Variants in BCAN observed in about 807,000 individuals in gnomAD.
BCAN encodes brevican.
In BCAN, 51 loss-of-function variants were observed where a neutral mutation model predicts 92.4. That is an observed-to-expected ratio of 0.55 (90% CI 0.44 to 0.70). The LOEUF (loss-of-function observed/expected upper bound fraction) is 0.70. Ranked by LOEUF, BCAN falls within the 30% of genes least tolerant of loss-of-function variation. The pLI is 0.00. For missense variants in BCAN, 1,140 were observed against 1,212.1 expected, an observed-to-expected ratio of 0.94 and a Z score of 0.88; for synonymous variants, 501 against 505.2, an observed-to-expected ratio of 0.99 and a Z score of 0.11.
chr1:156,658,869 A>G lies in BCAN; in HGVS notation c.2628+136A>G, dbSNP rs1679430483. On this transcript the variant is annotated intron_variant, in intron 13 of 13. Coordinates refer to ENST00000329117, the MANE Select transcript of BCAN (RefSeq NM_021948.5). This position sits in a 1 kb window ranked among gnomAD's most constrained non-coding sequence, Gnocchi z 4.4. ...GCCCCTCTCTGAGGCAAAGGGGAAGAGGTGGGCTGGAGGCTCTGGGGTTCC... is the reference window on the plus strand; with the variant it reads ...GCCCCTCTCTGAGGCAAAGGGGAAGGGGTGGGCTGGAGGCTCTGGGGTTCC... 5 of 1,404,658 alleles carry G rather than the reference A, an allele frequency of 3.6e-6. No individual in the cohort carries two copies. The highest frequency in any genetic ancestry group is 4.9e-6 in the Non-Finnish European group (5 of 1,023,290). 87.0% of individuals were successfully genotyped at this position (1,404,658 alleles called of 1,614,324 possible).
At chr1:156,657,858 C>A in intron 11 of BCAN, 101 bp downstream of exon 11, 1 of 1,019,262 alleles carries the variant, frequency 9.8e-7, no homozygotes. Context: ...CTTCTTTTTC[C>A]GGCCTCCTTC....
chr1:156,655,404 T>C (rs1298468857), intron 8 of BCAN, among the ~76,000 whole-genome samples: 1 of 151,802 alleles, frequency 6.6e-6, no homozygotes, highest in African/African-American at 2.4e-5. Context: ...GAAGGAGGGA[T>C]TGAGATGGAT....
intron 10 of BCAN, 195 bp downstream of exon 10, chr1:156,657,291 A>G (rs1181153609): frequency 3.5e-6 from 3 of 857,044 alleles, no homozygotes; most frequent in Non-Finnish European, 5.2e-6. Context: ...GCCTTCGGGA[A>G]CGGAGAGTGG....
chr1:156,647,248 A>T lies in BCAN; in HGVS notation c.466+73A>T. 6.9e-7 allele frequency: 1 copy of T among 1,451,390 alleles called. No homozygotes were observed. Among genetic ancestry groups the T allele is most frequent in the Non-Finnish European group, 9.1e-7 (1 of 1,094,208 alleles). The allele number at this position is 1,451,390 out of a possible 1,614,324, so 89.9% of individuals were successfully genotyped here. On this transcript the variant is annotated intron_variant, in intron 3 of 13. Transcript: ENST00000329117. This position sits in a 1 kb window ranked among gnomAD's most constrained non-coding sequence, Gnocchi z 4.8. ...GAGGACTCTTGCCTTCGGGGATCCC[A>T]CAGTGTGAGAGGGAAGCAAAGGTAG...
chr1:156,654,456 G>A (rs979583672), intron 8 of BCAN, among the ~76,000 whole-genome samples: 1 of 152,214 alleles, frequency 6.6e-6, no homozygotes. Flanking sequence ...GGGAGGGTAA[G>A]TGAGAGGTCT....
intron 7 of BCAN, 51 bp downstream of exon 7, chr1:156,651,740 G>A: frequency 1.3e-6 from 2 of 1,492,522 alleles, no homozygotes; most frequent in South Asian, 1.3e-5. Context: ...GAAGTTGGGG[G>A]CAGAAGAGGC....
chr1:156,646,297 A>G, intron 2 of BCAN, 152 bp downstream of exon 2: 1 of 743,196 alleles, frequency 1.3e-6, no homozygotes, highest in Admixed American at 2.7e-5. Flanking sequence ...AGCTGTGAGC[A>G]TCTGGTGGGT....
At position 156,652,809 on chromosome 1, in the gene BCAN, C is replaced by G. The variant is rs772413163; in HGVS notation, c.1859C>G (p.Pro620Arg). Residue 620 changes from proline (P) to arginine (R), a missense_variant, in exon 8 of 14, where the codon CCA becomes CGA. Transcript: ENST00000329117. Reference protein sequence around the residue: ...PSEDNSGRTAPAGTSVQAQPV... With the variant: ...PSEDNSGRTARAGTSVQAQPV... ...GAAGATAATTCTGGAAGAACTGCCC[C>G]AGCAGGGACCTCAGTGCAGGCCCAG... The G allele has an allele frequency of 6.2e-7, 1 of 1,613,854 alleles. No individual in the cohort carries two copies. The highest frequency in any genetic ancestry group is 1.1e-5 in the South Asian group (1 of 91,066).
chr1:156,646,912 G>A lies in BCAN; in HGVS notation c.203G>A (p.Arg68His). Residue 68 changes from arginine to histidine, a missense_variant, in exon 3 of 14, where the codon CGC becomes CAC. Physicochemically the swap from Arg to His is conservative, Grantham distance 29 (BLOSUM62 0). Transcript: ENST00000329117. ...CACTACCTGCGGCCACCGCCGAGCCGCCGGGCTGTGCTGGGCTCTCCGCGG... is the reference window on the plus strand; with the variant it reads ...CACTACCTGCGGCCACCGCCGAGCCACCGGGCTGTGCTGGGCTCTCCGCGG... ...HVHYLRPPPS[R>H]RAVLGSPRVK... is the part of the protein sequence containing the mutation. 1 of 1,611,736 alleles carries A rather than the reference G, an allele frequency of 6.2e-7. No individual in the cohort carries two copies. Among genetic ancestry groups the A allele is most frequent in the Non-Finnish European group, 8.5e-7 (1 of 1,179,222 alleles).
At chr1:156,646,176 T>C in intron 2 of BCAN, 31 bp downstream of exon 2, 1 of 1,599,768 alleles carries the variant, frequency 6.3e-7, no homozygotes, top group Non-Finnish European at 8.6e-7. Flanking sequence ...TCACCGTCTC[T>C]GTCTTGTTCA....
At chr1:156,646,183 T>C in intron 2 of BCAN, 38 bp downstream of exon 2, 3 of 1,590,334 alleles carry the variant, frequency 1.9e-6, no homozygotes, top group Non-Finnish European at 2.6e-6. Context: ...CTCTGTCTTG[T>C]TCAGCCCTAA....
In BCAN at chr1:156,652,517, C is replaced by T. The variant is rs1679202123; in HGVS notation, c.1567C>T (p.Pro523Ser). 4 of 1,612,002 alleles carry T rather than the reference C, an allele frequency of 2.5e-6. No individual in the cohort carries two copies. Residue 523 changes from proline to serine, a missense_variant, in exon 8 of 14, where the codon CCT (proline) becomes TCT (serine). Around this residue, in one of 3 missense-constraint regions of BCAN, gnomAD observed 825 missense variants for 871.8 expected, o/e 0.95. Coordinates refer to ENST00000329117, the MANE Select transcript of BCAN (RefSeq NM_021948.5). ...AVLQPGASPL[P>S]DGESEASRPP... Reference sequence around the variant, plus strand: ...CCTGCAGCCTGGTGCATCACCACTTCCTGATGGAGAGTCAGAAGCTTCCAG... The same window carrying T: ...CCTGCAGCCTGGTGCATCACCACTTTCTGATGGAGAGTCAGAAGCTTCCAG...
Position 156,656,734 on chromosome 1 carries a change from A to G in BCAN, c.2051-204A>G. On this transcript the variant is annotated intron_variant, in intron 9 of 13. Transcript: ENST00000329117. ...TCCCTCACCCTGGTTCCTGTCTCTT[A>G]GAAAAGGCACCAGCGCCCCTGCCCA... 5 of 665,594 alleles carry G rather than the reference A, an allele frequency of 7.5e-6. No individual in the cohort carries two copies. The South Asian group carries it at 1.2e-4, about 15-fold the overall frequency. The allele number at this position is 665,594 out of a possible 1,614,324, so 41.2% of individuals were successfully genotyped here.
At chr1:156,646,561 C>G in intron 2 of BCAN, 1 of 626,558 alleles carries the variant, frequency 1.6e-6, no homozygotes, top group Non-Finnish European at 2.6e-6. Context: ...GGCAAGGAAT[C>G]CTGGGGGCTG....
Position 156,652,617 on chromosome 1 carries a change from CT to C in BCAN, c.1669del (p.Ser557ProfsTer299), listed in dbSNP as rs753437509. ...GAGAGGAACCTAGCATCCCCATCAC[CT>C]TCCACTCTGGTTGAGGCAAGAGAGG... ...PRERNLASPS[P>X]STLVEAREVG... On this transcript the variant is annotated frameshift_variant, in exon 8 of 14. Coordinates refer to ENST00000329117, the MANE Select transcript of BCAN (RefSeq NM_021948.5). LOFTEE classifies it high-confidence loss of function. 1 of 1,614,012 alleles carries C rather than the reference CT, an allele frequency of 6.2e-7. No individual in the cohort carries two copies. Among genetic ancestry groups the C allele is most frequent in the African/African-American group, 1.3e-5 (1 of 75,066 alleles).
intron 2 of BCAN, chr1:156,646,416 C>T (rs1678963808): frequency 4.0e-6 from 2 of 504,392 alleles, no homozygotes; most frequent in Non-Finnish European, 3.5e-6. Context: ...AGGGGTGGAA[C>T]TGGGAGAAAC....
Position 156,651,498 on chromosome 1 carries a change from C to A in BCAN, c.1106C>A (p.Ala369Asp). The A allele has an allele frequency of 6.2e-7, 1 of 1,614,066 alleles. No individual in the cohort carries two copies. The highest frequency in any genetic ancestry group is 8.5e-7 in the Non-Finnish European group (1 of 1,180,030). The change falls in exon 7 of 14, where the codon GCC becomes GAC. Residue 369 changes from alanine (A) to aspartate (D), a missense_variant. Physicochemically the swap from Ala to Asp is moderately radical, Grantham distance 126. Transcript: ENST00000329117. ...GCCATCCCTGAGGCCTCCAACCCAGCCTCCAACCCAGCCTCTGATGGACTA... is the reference window on the plus strand; with the variant it reads ...GCCATCCCTGAGGCCTCCAACCCAGACTCCAACCCAGCCTCTGATGGACTA... ...PSAIPEASNPASNPASDGLEA... is the reference protein window; with the variant it reads ...PSAIPEASNPDSNPASDGLEA...
At chr1:156,657,296 G>A (rs1679367837) in intron 10 of BCAN, 200 bp downstream of exon 10, 3 of 822,232 alleles carry the variant, frequency 3.6e-6, no homozygotes, top group Admixed American at 3.0e-5. Context: ...CGGGAACGGA[G>A]AGTGGAGGTT....
chr1:156,644,989 C>G (rs955363468), intron 1 of BCAN: 2 of 152,264 alleles, frequency 1.3e-5, no homozygotes, highest in Admixed American at 1.3e-4. Context: ...TCGTGCCTGA[C>G]TTGGCTTTAC....
Sources: gnomAD v4.1 joint callset for allele counts (sites outside exome capture counted in the v4.1 genomes callset) on GRCh38, gnomAD v4.1.1 for gene constraint, gnomAD v4.1.1 regional missense constraint, Gnocchi (gnomAD v3.1) non-coding constraint, MANE v1.5 for transcripts, NCBI Gene and HGNC (gene_info 2026-07-23, HGNC 2026-07-21) for gene names.